PRAP1: variants seen among roughly 807,000 people sequenced by gnomAD.
The protein encoded by PRAP1 is proline rich acidic protein 1, also known as proline-rich acidic protein 1.
In PRAP1, 12 loss-of-function variants were observed where a neutral mutation model predicts 14.6. That is an observed-to-expected ratio of 0.82 (90% confidence interval 0.53 to 1.33). PRAP1 has a LOEUF of 1.33. Among genes scored for constraint, PRAP1 ranks in the 40% most tolerant of loss-of-function variants. PRAP1 has a pLI of 0.00. For synonymous variants in PRAP1, 81 were observed against 80.3 expected (o/e 1.01, Z -0.04); for missense variants, 160 against 193.7 (o/e 0.83, Z 1.03).
chr10:133,351,791 A>G lies in PRAP1; in HGVS notation c.129-216A>G, dbSNP rs551651378. Among the ~76,000 whole-genome samples, 74 of 152,176 alleles carry G rather than the reference A, an allele frequency of 4.9e-4. No homozygotes were observed. The highest frequency in any genetic ancestry group is 1.8e-3 in the African/African-American group (74 of 41,532). On this transcript the variant is annotated intron_variant, in intron 3 of 4. Transcript: ENST00000433452. The surrounding 1 kb of genome is among the most constrained non-coding windows in gnomAD (Gnocchi z 4.3). ...GGGACACTGCTCAACCAAGGCTCTG[A>G]CCACTGCTCCCCACGCAGCCACCCA... is the stretch of plus-strand genomic sequence containing the variant.
Position 133,352,372 on chromosome 10 carries a change from G to A in PRAP1, c.388G>A (p.Val130Met), listed in dbSNP as rs778970692. The change falls in exon 5 of 5, where the codon GTG becomes ATG. Residue 130 changes from valine (V) to methionine (M), a missense_variant. Transcript: ENST00000433452. The part of the protein sequence containing the change: ...DQGEERPRLW[V>M]MPNHQVLLGP... ...GGGCGAGGAGAGGCCCCGGTTGTGG[G>A]TGATGCCAAATCACCAGGTGCTCCT... is the stretch of plus-strand genomic sequence containing the variant. The A allele has an allele frequency of 1.2e-6, 2 of 1,613,082 alleles. No individual in the cohort carries two copies. The highest frequency in any genetic ancestry group is 1.7e-6 in the Non-Finnish European group (2 of 1,179,992).
intron 1 of PRAP1, among the ~76,000 whole-genome samples, chr10:133,349,608 A>G (rs996744934): frequency 3.9e-5 from 6 of 152,184 alleles, no homozygotes; most frequent in Non-Finnish European, 8.8e-5. Flanking sequence ...TGAGCCCCCC[A>G]GCCGTGGCCC....
intron 4 of PRAP1, 52 bp downstream of exon 4, chr10:133,352,192 G>A: frequency 6.2e-7 from 1 of 1,611,282 alleles, no homozygotes; most frequent in East Asian, 2.2e-5. Flanking sequence ...GACTTGGACA[G>A]ACCAAGGGTC....
rs144079438 is a variant in PRAP1 at position 133,351,235 on chromosome 10, C to T, written c.76-146C>T. 689 of 560,460 alleles carry T rather than the reference C, an allele frequency of 1.2e-3. No individual in the cohort carries two copies. The highest frequency in any genetic ancestry group is 1.9e-3 in the Non-Finnish European group (581 of 309,154). 34.7% of individuals were successfully genotyped at this position (560,460 alleles called of 1,614,324 possible). On this transcript the variant is annotated intron_variant, in intron 2 of 4. Transcript: ENST00000433452. The surrounding 1 kb of genome is among the most constrained non-coding windows in gnomAD (Gnocchi z 4.3). ...GAGTGGCTTGCCCACTAGAGACGCTCGAGCTGTGCTGAGCTGGCCCTGCCC... is the reference window on the plus strand; with the variant it reads ...GAGTGGCTTGCCCACTAGAGACGCTTGAGCTGTGCTGAGCTGGCCCTGCCC...
chr10:133,350,218 A>G (rs1354325711), intron 2 of PRAP1, 57 bp downstream of exon 2: 9 of 1,487,606 alleles, frequency 6.0e-6, no homozygotes, highest in Non-Finnish European at 7.4e-6. Context: ...TTCTGCCCCT[A>G]CAGCAGGGGA....
chr10:133,352,110 C>A lies in PRAP1; in HGVS notation c.232C>A (p.Arg78=). ...PKLLTTEEKP[R]GQGRGPILPG... is the part of the protein sequence containing the mutation. ...ACTCTTGACCACCGAGGAGAAGCCA[C>A]GAGGTCAGGGCAGGGGCCCCATCCT... Residue 78 remains arginine, a synonymous_variant, in exon 4 of 5, where the codon CGA becomes AGA. Coordinates refer to ENST00000433452, the MANE Select transcript of PRAP1 (RefSeq NM_145202.5). The A allele has an allele frequency of 6.2e-7, 1 of 1,613,138 alleles. No individual in the cohort carries two copies. The highest frequency in any genetic ancestry group is 8.5e-7 in the Non-Finnish European group (1 of 1,179,972).
Position 133,351,487 on chromosome 10 carries a change from G to C in PRAP1, c.128+54G>C. On this transcript the variant is annotated intron_variant, in intron 3 of 4. Transcript: ENST00000433452. The surrounding 1 kb of genome is among the most constrained non-coding windows in gnomAD (Gnocchi z 4.3). ...CACCCATTCCCTGAAGCTACAGCCC[G>C]TTCTGCTGGGCCCTTCCTGAACCTG... 2 of 1,354,796 alleles carry C rather than the reference G, an allele frequency of 1.5e-6. No individual in the cohort carries two copies. Among genetic ancestry groups the C allele is most frequent in the Non-Finnish European group, 2.1e-6 (2 of 970,998 alleles). The allele number at this position is 1,354,796 out of a possible 1,614,324, so 83.9% of individuals were successfully genotyped here.
At chr10:133,348,851 G>A (rs1175873928) in intron 1 of PRAP1, among the ~76,000 whole-genome samples, 1 of 151,810 alleles carries the variant, frequency 6.6e-6, no homozygotes, top group Non-Finnish European at 1.5e-5. Flanking sequence ...AGTAGAGACG[G>A]AGTTTTGCCA....
intron 1 of PRAP1, among the ~76,000 whole-genome samples, chr10:133,348,493 C>G (rs1325119983): frequency 6.6e-6 from 1 of 151,408 alleles, no homozygotes; most frequent in Admixed American, 6.5e-5. Context: ...GTGTGTGCCA[C>G]CACCCCCAGC....
In PRAP1 at chr10:133,352,134, C is replaced by CT; in HGVS notation, c.258dup (p.Pro87SerfsTer24). 6.2e-7 allele frequency: 1 copy of CT among 1,613,022 alleles called. No homozygotes were observed. The highest frequency in any genetic ancestry group is 2.2e-5 in the East Asian group (1 of 44,870). On this transcript the variant is annotated frameshift_variant, in exon 4 of 5. Coordinates refer to ENST00000433452, the MANE Select transcript of PRAP1 (RefSeq NM_145202.5). LOFTEE classifies it low-confidence loss of function (END_TRUNC). ...ACGAGGTCAGGGCAGGGGCCCCATC[C>CT]TTCCAGGTGGGCACAAGGTCACAGC...
intron 1 of PRAP1, 111 bp from the exon 2 acceptor site, chr10:133,349,984 C>A: frequency 3.4e-6 from 3 of 894,640 alleles, no homozygotes; most frequent in Non-Finnish European, 5.2e-6. Flanking sequence ...ACTACCTGCG[C>A]TCCCAAGGAG....
chr10:133,352,366 T>A lies in PRAP1; in HGVS notation c.382T>A (p.Leu128Met). Reference sequence around the variant, plus strand: ...GGACCAGGGCGAGGAGAGGCCCCGGTTGTGGGTGATGCCAAATCACCAGGT... The same window carrying A: ...GGACCAGGGCGAGGAGAGGCCCCGGATGTGGGTGATGCCAAATCACCAGGT... ...EEDQGEERPRLWVMPNHQVLL... is the reference protein window; with the variant it reads ...EEDQGEERPRMWVMPNHQVLL... The change falls in exon 5 of 5, where the codon TTG (leucine) becomes ATG (methionine). Residue 128 changes from leucine to methionine, a missense_variant. Leu to Met is a conservative substitution (Grantham distance 15, BLOSUM62 2). Coordinates refer to ENST00000433452, the MANE Select transcript of PRAP1 (RefSeq NM_145202.5). 1 of 1,612,884 alleles carries A rather than the reference T, an allele frequency of 6.2e-7. No homozygotes were observed. The highest frequency in any genetic ancestry group is 8.5e-7 in the Non-Finnish European group (1 of 1,179,944).
intron 1 of PRAP1, among the ~76,000 whole-genome samples, chr10:133,349,830 T>TG (rs1390533240): frequency 6.6e-6 from 1 of 152,124 alleles, no homozygotes. Context: ...CCTGCCACAG[T>TG]GGGGTCTGCC....
intron 1 of PRAP1, among the ~76,000 whole-genome samples, chr10:133,349,452 C>T (rs1398087852): frequency 6.6e-6 from 1 of 152,178 alleles, no homozygotes; most frequent in Non-Finnish European, 1.5e-5. Context: ...ACATGCACAC[C>T]CACCATGCAC....
Position 133,352,103 on chromosome 10 carries a change from G to A in PRAP1, c.225G>A (p.Glu75=), listed in dbSNP as rs1243949736. 6.2e-7 allele frequency: 1 copy of A among 1,613,040 alleles called. No individual in the cohort carries two copies. The highest frequency in any genetic ancestry group is 2.2e-5 in the East Asian group (1 of 44,890). The change falls in exon 4 of 5, where the codon GAG becomes GAA. Residue 75 remains glutamate, a synonymous_variant. Transcript: ENST00000433452. ...AGCCGAAACTCTTGACCACCGAGGAGAAGCCACGAGGTCAGGGCAGGGGCC... is the reference window on the plus strand; with the variant it reads ...AGCCGAAACTCTTGACCACCGAGGAAAAGCCACGAGGTCAGGGCAGGGGCC... ...VQKPKLLTTE[E]KPRGQGRGPI...
At position 133,348,309 on chromosome 10, in the gene PRAP1, C is replaced by T. The variant is rs141316397; in HGVS notation, c.8+884C>T. ...GGAGAAGCAGGGCCCCCGAACCAGA[C>T]CAGACCAGGTCCCGGCCCCGGGCTG... On this transcript the variant is annotated intron_variant, in intron 1 of 4. Transcript: ENST00000433452. 1.9e-4 allele frequency among the ~76,000 whole-genome samples: 29 copies of T among 152,308 alleles called. 1 individual carries two copies. In the East Asian group the frequency reaches 5.6e-3, roughly 29 times the overall value.
At position 133,351,381 on chromosome 10, in the gene PRAP1, G is replaced by A. The variant is rs894401419; in HGVS notation, c.76G>A (p.Val26Ile). The change falls in exon 3 of 5, where the codon GTC (valine) becomes ATC (isoleucine). Residue 26 changes from valine (V) to isoleucine (I), a missense_variant and splice_region_variant. By Grantham distance (29) the Val-to-Ile change is conservative. Transcript: ENST00000433452. The surrounding 1 kb of genome is among the most constrained non-coding windows in gnomAD (Gnocchi z 4.3). ...GCCCACACCTGTGACTCTCCCCCAG[G>A]TCCCTATCAAGATGCAAGTCAAACA... ...WEAGAVPAPK[V>I]PIKMQVKHWP... The A allele has an allele frequency of 1.4e-5, 23 of 1,611,488 alleles. No homozygotes were observed. The highest frequency in any genetic ancestry group is 1.9e-5 in the Non-Finnish European group (22 of 1,179,022).
At position 133,352,156 on chromosome 10, in the gene PRAP1, C is replaced by G. The variant is rs371831693; in HGVS notation, c.262+16C>G. The G allele has an allele frequency of 6.2e-7, 1 of 1,612,630 alleles. No homozygotes were observed. The highest frequency in any genetic ancestry group is 1.3e-5 in the African/African-American group (1 of 74,868). ...ATCCTTCCAGGTGGGCACAAGGTCACAGCAGCAGAGTCCGCTCGTGGGGTT... is the reference window on the plus strand; with the variant it reads ...ATCCTTCCAGGTGGGCACAAGGTCAGAGCAGCAGAGTCCGCTCGTGGGGTT... On this transcript the variant is annotated intron_variant, in intron 4 of 4. Coordinates refer to ENST00000433452, the MANE Select transcript of PRAP1 (RefSeq NM_145202.5).
intron 2 of PRAP1, among the ~76,000 whole-genome samples, chr10:133,350,412 G>T (rs565925204): frequency 6.6e-6 from 1 of 152,086 alleles, no homozygotes; most frequent in Non-Finnish European, 1.5e-5. Flanking sequence ...TGTGGGTCCA[G>T]ATGAGCCCAC....
Sources: gnomAD v4.1 joint callset for allele counts (sites outside exome capture counted in the v4.1 genomes callset) on GRCh38, gnomAD v4.1.1 for gene constraint, Gnocchi (gnomAD v3.1) non-coding constraint, MANE v1.5 for transcripts, NCBI Gene and HGNC (gene_info 2026-07-23, HGNC 2026-07-21) for gene names.